VAPA: variants seen among roughly 807,000 people sequenced by gnomAD.
VAPA encodes the protein VAMP associated protein A, also known as vesicle-associated membrane protein-associated protein A.
A neutral mutation model predicts 25.6 loss-of-function variants in VAPA; 6 were observed. That is an observed-to-expected ratio of 0.23 (90% CI 0.13 to 0.46). The LOEUF (loss-of-function observed/expected upper bound fraction) is 0.46. VAPA is among the 20% of genes least tolerant of loss of function. The probability of loss-of-function intolerance (pLI) is 0.99; values close to 1 mark genes in which losing one functional copy is unlikely to be tolerated. For synonymous variants in VAPA, 112 were observed against 106.2 expected (o/e 1.05, Z -0.34); for missense variants, 244 against 302.1 (o/e 0.81, Z 1.43).
intron 1 of VAPA, among the ~76,000 whole-genome samples, chr18:9,923,666 T>C (rs993947586): frequency 6.6e-6 from 1 of 152,200 alleles, no homozygotes; most frequent in South Asian, 2.1e-4. Context: ...AAAATTTTAC[T>C]TTTTAAAGCC....
intron 5 of VAPA, among the ~76,000 whole-genome samples, chr18:9,953,765 T>C (rs1230080330): frequency 1.3e-5 from 2 of 152,198 alleles, no homozygotes; most frequent in Admixed American, 6.5e-5. Context: ...TCAGCTCCAG[T>C]TTTAAAAAAT....
At chr18:9,952,564 C>CAAAAA (rs58664560) in intron 5 of VAPA, among the ~76,000 whole-genome samples, 1 of 109,870 alleles carries the variant, frequency 9.1e-6, no homozygotes. Flanking sequence ...AACATCGTCT[C>CAAAAA]AAAAAAAAAA....
chr18:9,919,337 A>C (rs2069137883), intron 1 of VAPA, among the ~76,000 whole-genome samples: 1 of 152,200 alleles, frequency 6.6e-6, no homozygotes, highest in Admixed American at 6.5e-5. Flanking sequence ...AATTCATTCA[A>C]TTATGGATCT....
chr18:9,950,843 T>C, intron 5 of VAPA: 1 of 375,856 alleles, frequency 2.7e-6, no homozygotes, highest in Non-Finnish European at 4.9e-6. Context: ...GTCCTTCCCA[T>C]TTTGTGCCCT....
At position 9,931,980 on chromosome 18, in the gene VAPA, G is replaced by T; in HGVS notation, c.232+18G>T. The T allele has an allele frequency of 1.3e-6, 2 of 1,531,278 alleles. No individual in the cohort carries two copies. Among genetic ancestry groups the T allele is most frequent in the Non-Finnish European group, 1.8e-6 (2 of 1,128,674 alleles). The allele number at this position is 1,531,278 out of a possible 1,614,324, so 94.9% of individuals were successfully genotyped here. ...TGTTTCAGGTAGCAAATCATGTTCTGAATTTATGTACATTTGAATTTTGAC... is the reference window on the plus strand; with the variant it reads ...TGTTTCAGGTAGCAAATCATGTTCTTAATTTATGTACATTTGAATTTTGAC... On this transcript the variant is annotated intron_variant, in intron 2 of 5. Coordinates refer to ENST00000400000, the MANE Select transcript of VAPA (RefSeq NM_194434.3).
At chr18:9,952,575 A>C (rs1435701582) in intron 5 of VAPA, among the ~76,000 whole-genome samples, 1 of 151,868 alleles carries the variant, frequency 6.6e-6, no homozygotes, top group Non-Finnish European at 1.5e-5. Flanking sequence ...AAAAAAAAAA[A>C]AAAAACAAAA....
intron 5 of VAPA, among the ~76,000 whole-genome samples, chr18:9,953,196 G>T (rs2069508104): frequency 6.6e-6 from 1 of 152,178 alleles, no homozygotes; most frequent in Non-Finnish European, 1.5e-5. Flanking sequence ...TAAAGACATA[G>T]TGCTGTGTGA....
rs1304755184 is a variant in VAPA at position 9,957,757 on chromosome 18, A to T, written c.*3546A>T. 1 of 152,248 alleles carries T rather than the reference A, an allele frequency of 6.6e-6. No homozygotes were observed. Among genetic ancestry groups the T allele is most frequent in the Admixed American group, 6.5e-5 (1 of 15,292 alleles). The allele number at this position is 152,248 out of a possible 1,614,324, so 9.4% of individuals were successfully genotyped here. ...AACAGATTGTGTGGTTTGTGCATTT[A>T]TATCCTGTTAAGCATTAATAGCTAA... On this transcript the variant is annotated 3_prime_UTR_variant, in exon 6 of 6. Coordinates refer to ENST00000400000, the MANE Select transcript of VAPA (RefSeq NM_194434.3).
intron 4 of VAPA, chr18:9,949,847 A>G (rs1036504181): frequency 1.3e-5 from 2 of 153,300 alleles, no homozygotes; most frequent in African/African-American, 4.8e-5. Context: ...GTGATGTTGA[A>G]TCACGTGAAT....
Position 9,914,144 on chromosome 18 carries a change from C to A in VAPA, c.-113C>A. On this transcript the variant is annotated 5_prime_UTR_variant, in exon 1 of 6. Coordinates refer to ENST00000400000, the MANE Select transcript of VAPA (RefSeq NM_194434.3). ...AGCGGCAGGCGTTAGGGCTCGGGAGCCGCGAGCCTGGCCTCGTCCTAGAGC... is the reference window on the plus strand; with the variant it reads ...AGCGGCAGGCGTTAGGGCTCGGGAGACGCGAGCCTGGCCTCGTCCTAGAGC... The A allele has an allele frequency of 1.1e-6, 1 of 913,234 alleles. No individual in the cohort carries two copies. The highest frequency in any genetic ancestry group is 1.6e-6 in the Non-Finnish European group (1 of 631,502). 56.6% of individuals were successfully genotyped at this position (913,234 alleles called of 1,614,324 possible). A position where few individuals can be genotyped will look rare whatever the true frequency, so the allele number is the denominator to read the frequency against.
chr18:9,925,397 T>G (rs1475598421), intron 1 of VAPA, among the ~76,000 whole-genome samples: 1 of 152,166 alleles, frequency 6.6e-6, no homozygotes, highest in Non-Finnish European at 1.5e-5. Context: ...ATCCATACTT[T>G]TATGATGTTA....
intron 1 of VAPA, among the ~76,000 whole-genome samples, chr18:9,917,475 A>C (rs1383567564): frequency 6.6e-6 from 1 of 152,116 alleles, no homozygotes; most frequent in East Asian, 1.9e-4. Context: ...TTTTTTGTAG[A>C]GACGGGATTT....
intron 1 of VAPA, among the ~76,000 whole-genome samples, chr18:9,916,957 A>G (rs1256275705): frequency 6.6e-6 from 1 of 152,256 alleles, no homozygotes; most frequent in Non-Finnish European, 1.5e-5. Context: ...ATGAATTAAC[A>G]GTATGTTGCA....
intron 1 of VAPA, among the ~76,000 whole-genome samples, chr18:9,919,069 A>T (rs1247157767): frequency 6.6e-6 from 1 of 151,940 alleles, no homozygotes; most frequent in Non-Finnish European, 1.5e-5. Flanking sequence ...TTACGTACAT[A>T]TGGGGGTGCC....
In VAPA at chr18:9,955,846, G is replaced by A. The variant is rs1050962963; in HGVS notation, c.*1635G>A. 58 of 152,154 alleles carry A rather than the reference G, an allele frequency of 3.8e-4. No homozygotes were observed. The highest frequency in any genetic ancestry group is 1.3e-3 in the African/African-American group (53 of 41,430). 9.4% of individuals were successfully genotyped at this position (152,154 alleles called of 1,614,324 possible). A position where few individuals can be genotyped will look rare whatever the true frequency, so the allele number is the denominator to read the frequency against. ...TGCCTATCCATTACTAGCATGCTAT[G>A]CTGCATGCTTTACTGCCATTGCTGT... On this transcript the variant is annotated 3_prime_UTR_variant, in exon 6 of 6. Coordinates refer to ENST00000400000, the MANE Select transcript of VAPA (RefSeq NM_194434.3).
At chr18:9,935,535 A>G (rs1380976890) in intron 2 of VAPA, among the ~76,000 whole-genome samples, 1 of 152,246 alleles carries the variant, frequency 6.6e-6, no homozygotes, top group Non-Finnish European at 1.5e-5. Flanking sequence ...AGATTGCGCC[A>G]CTGCACTGCA....
At chr18:9,927,570 T>C (rs1188936802) in intron 1 of VAPA, among the ~76,000 whole-genome samples, 1 of 151,902 alleles carries the variant, frequency 6.6e-6, no homozygotes, top group Admixed American at 6.6e-5. Flanking sequence ...TAAAAGGAAG[T>C]CATTGTTCTG....
At chr18:9,929,906 A>G (rs979902195) in intron 1 of VAPA, among the ~76,000 whole-genome samples, 7 of 152,160 alleles carry the variant, frequency 4.6e-5, no homozygotes, top group African/African-American at 1.7e-4. Context: ...TTCTTTTGAT[A>G]TATTATCATC....
intron 1 of VAPA, among the ~76,000 whole-genome samples, chr18:9,916,388 C>A (rs921929870): frequency 1.3e-5 from 2 of 152,110 alleles, no homozygotes; most frequent in Non-Finnish European, 2.9e-5. Flanking sequence ...AGGAAAGAAG[C>A]CCTTTCTCTA....
Sources: gnomAD v4.1 joint callset for allele counts (sites outside exome capture counted in the v4.1 genomes callset) on GRCh38, gnomAD v4.1.1 for gene constraint, MANE v1.5 for transcripts, NCBI Gene and HGNC (gene_info 2026-07-23, HGNC 2026-07-21) for gene names.